Variants in PDGFD observed in about 807,000 individuals in gnomAD.
PDGFD encodes the protein platelet derived growth factor D, also known as platelet-derived growth factor D.
A neutral mutation model predicts 44.7 loss-of-function variants in PDGFD; 30 were observed. That is an observed-to-expected ratio of 0.67 (90% CI 0.50 to 0.91). The LOEUF (loss-of-function observed/expected upper bound fraction) is 0.91, where lower values mean the gene tolerates loss of function less well. Ranked by LOEUF, PDGFD falls within the 40% of genes least tolerant of loss-of-function variation. The probability of loss-of-function intolerance (pLI) is 0.00; values close to 1 mark genes in which losing one functional copy is unlikely to be tolerated. For synonymous variants in PDGFD, 173 were observed against 168.4 expected, an observed-to-expected ratio of 1.03 and a Z score of -0.21; for missense variants, 445 against 457.8, an observed-to-expected ratio of 0.97 and a Z score of 0.25.
intron 3 of PDGFD, 48 bp from the exon 4 acceptor site, chr11:103,947,772 T>C: frequency 7.4e-7 from 1 of 1,351,104 alleles, no homozygotes; most frequent in Non-Finnish European, 1.1e-6. Context: ...TCTGTTCAAT[T>C]CATTATGTGC....
intron 1 of PDGFD, among the ~76,000 whole-genome samples, chr11:104,056,208 TC>T (rs1197545514): frequency 6.6e-6 from 1 of 152,196 alleles, no homozygotes; most frequent in African/African-American, 2.4e-5. Flanking sequence ...CCAAGTTGTG[TC>T]TTTTTTATAT....
intron 6 of PDGFD, 103 bp from the exon 7 acceptor site, chr11:103,909,922 A>G (rs1239469796): frequency 7.3e-6 from 10 of 1,366,002 alleles, no homozygotes; most frequent in Non-Finnish European, 9.2e-6. Flanking sequence ...TAGCCCTTTG[A>G]GAACCCAACA....
intron 1 of PDGFD, among the ~76,000 whole-genome samples, chr11:104,046,806 C>T (rs1324585117): frequency 1.4e-5 from 2 of 146,694 alleles, no homozygotes; most frequent in African/African-American, 5.0e-5. Context: ...GTTTGTTACA[C>T]AGGTATACGC....
At chr11:104,081,262 T>A (rs1234182780) in intron 1 of PDGFD, among the ~76,000 whole-genome samples, 3 of 152,314 alleles carry the variant, frequency 2.0e-5, no homozygotes, top group South Asian at 4.1e-4. Flanking sequence ...CTTACTTTTT[T>A]ATGAAATATC....
At chr11:104,064,151 C>T (rs1306632989) in intron 1 of PDGFD, among the ~76,000 whole-genome samples, 2 of 152,266 alleles carry the variant, frequency 1.3e-5, no homozygotes, top group African/African-American at 2.4e-5. Context: ...TGTGTTTATA[C>T]AGTAGAAAAT....
chr11:103,951,610 C>T (rs963611369), intron 3 of PDGFD, among the ~76,000 whole-genome samples: 5 of 152,180 alleles, frequency 3.3e-5, no homozygotes, highest in Admixed American at 1.3e-4. Context: ...TCCTGCTACA[C>T]TGGCCTTCTT....
intron 1 of PDGFD, among the ~76,000 whole-genome samples, chr11:104,063,593 TAAAGA>T (rs1860745242): frequency 6.6e-6 from 1 of 152,082 alleles, no homozygotes; most frequent in African/African-American, 2.4e-5. Flanking sequence ...GGGTAATTTA[TAAAGA>T]AAAGAGGTTT....
intron 1 of PDGFD, chr11:104,037,148 C>G: frequency 6.2e-7 from 1 of 1,613,788 alleles, no homozygotes; most frequent in East Asian, 2.2e-5. Flanking sequence ...AGCTCCCGTC[C>G]ACAGCACCCT....
chr11:103,990,315 C>T (rs964411140), intron 3 of PDGFD, among the ~76,000 whole-genome samples: 1 of 152,176 alleles, frequency 6.6e-6, no homozygotes, highest in African/African-American at 2.4e-5. Context: ...ACTCTTCTTC[C>T]ATAGCTTTGC....
intron 6 of PDGFD, among the ~76,000 whole-genome samples, chr11:103,914,433 G>T (rs756624012): frequency 3.9e-5 from 6 of 152,132 alleles, no homozygotes; most frequent in Non-Finnish European, 8.8e-5. Flanking sequence ...CCAGTAACAA[G>T]TTCTAAAATT....
At chr11:104,066,967 G>A (rs1027020195) in intron 1 of PDGFD, among the ~76,000 whole-genome samples, 1 of 152,058 alleles carries the variant, frequency 6.6e-6, no homozygotes, top group Non-Finnish European at 1.5e-5. Context: ...TAGTTATTGT[G>A]GACCAAATAT....
At chr11:104,044,069 G>A (rs1224567208) in intron 1 of PDGFD, among the ~76,000 whole-genome samples, 2 of 152,180 alleles carry the variant, frequency 1.3e-5, no homozygotes, top group African/African-American at 2.4e-5. Context: ...ACAATGAGTC[G>A]ATTGGATGAA....
At chr11:104,073,668 C>T (rs1860911859) in intron 1 of PDGFD, among the ~76,000 whole-genome samples, 1 of 152,158 alleles carries the variant, frequency 6.6e-6, no homozygotes, top group Non-Finnish European at 1.5e-5. Context: ...TTACAAAGCA[C>T]ACCTCTAAAC....
chr11:103,922,732 T>C (rs570092782), intron 6 of PDGFD, among the ~76,000 whole-genome samples: 19 of 152,174 alleles, frequency 1.2e-4, no homozygotes, highest in South Asian at 6.2e-4. Context: ...ATAATTCCTT[T>C]TTTTTATTAT....
chr11:104,086,299 G>A (rs73608358), intron 1 of PDGFD, among the ~76,000 whole-genome samples: 2,763 of 152,234 alleles, frequency 0.018, 87 homozygotes, highest in African/African-American at 0.061. Context: ...GCACTCACTC[G>A]TCTATGTAAA....
intron 1 of PDGFD, among the ~76,000 whole-genome samples, chr11:104,104,159 G>A (rs932029858): frequency 3.3e-5 from 5 of 151,824 alleles, no homozygotes; most frequent in African/African-American, 1.2e-4. Context: ...TATAGAATGC[G>A]GATCTAAAAA....
chr11:104,119,746 T>C (rs1413997839), intron 1 of PDGFD, among the ~76,000 whole-genome samples: 1 of 107,898 alleles, frequency 9.3e-6, no homozygotes, highest in Non-Finnish European at 1.7e-5. Context: ...GAAATATATA[T>C]TATATATTTA....
intron 1 of PDGFD, among the ~76,000 whole-genome samples, chr11:104,019,483 C>A (rs890122502): frequency 6.6e-6 from 1 of 152,138 alleles, no homozygotes; most frequent in Admixed American, 6.6e-5. Context: ...ACACATTTAA[C>A]CAAAAACTAT....
At chr11:103,948,186 G>T (rs1000049584) in intron 3 of PDGFD, among the ~76,000 whole-genome samples, 3 of 152,124 alleles carry the variant, frequency 2.0e-5, no homozygotes, top group Admixed American at 6.5e-5. Flanking sequence ...ACTAGGTTAC[G>T]CATTATGTTC....
Sources: gnomAD v4.1 joint callset for allele counts (sites outside exome capture counted in the v4.1 genomes callset) on GRCh38, gnomAD v4.1.1 for gene constraint, MANE v1.5 for transcripts, NCBI Gene and HGNC (gene_info 2026-07-23, HGNC 2026-07-21) for gene names.